Variants in IQCM observed in about 807,000 individuals in gnomAD.
The protein encoded by IQCM is IQ domain-containing protein M.
A neutral mutation model predicts 57.6 loss-of-function variants in IQCM; 45 were observed. The ratio of observed to expected loss-of-function variants is 0.78; its 90% CI spans 0.62 to 1.00. The LOEUF is 1.00. Ranked by LOEUF, IQCM falls within the 50% of genes least tolerant of loss-of-function variation. The probability of loss-of-function intolerance (pLI) is 0.00; values close to 1 mark genes in which losing one functional copy is unlikely to be tolerated. For synonymous variants in IQCM, 148 were observed against 158.9 expected (o/e 0.93, Z 0.51); for missense variants, 468 against 511.6 (o/e 0.91, Z 0.82).
chr4:149,595,749 A>G (rs1001139661), intron 8 of IQCM, among the ~76,000 whole-genome samples: 1 of 152,164 alleles, frequency 6.6e-6, no homozygotes, highest in Non-Finnish European at 1.5e-5. Flanking sequence ...TGAATTTGAG[A>G]GCTTCCAGGA....
At chr4:149,802,355 G>A (rs763524417) in intron 2 of IQCM, among the ~76,000 whole-genome samples, 10 of 151,898 alleles carry the variant, frequency 6.6e-5, no homozygotes, top group Admixed American at 2.6e-4. Context: ...ATTACCTCTC[G>A]TAGTCACTGG....
chr4:149,730,537 C>G (rs528470513), intron 5 of IQCM, among the ~76,000 whole-genome samples: 260 of 152,278 alleles, frequency 1.7e-3, no homozygotes, highest in African/African-American at 5.1e-3. Context: ...CATGTAAAAT[C>G]ATTTTAATTC....
At chr4:149,565,769 A>C (rs1010390486) in intron 9 of IQCM, among the ~76,000 whole-genome samples, 1 of 152,146 alleles carries the variant, frequency 6.6e-6, no homozygotes, top group African/African-American at 2.4e-5. Context: ...TGAGGCTGCT[A>C]GTTCTCTTTG....
chr4:149,416,036 G>T (rs571153091), intron 13 of IQCM, among the ~76,000 whole-genome samples: 1 of 152,166 alleles, frequency 6.6e-6, no homozygotes, highest in East Asian at 1.9e-4. Flanking sequence ...ATGTACCCTA[G>T]AACTTAAAGT....
chr4:149,758,075 T>C (rs1170784534), intron 2 of IQCM, among the ~76,000 whole-genome samples: 2 of 152,010 alleles, frequency 1.3e-5, no homozygotes, highest in East Asian at 3.9e-4. Flanking sequence ...AATAGAAAAA[T>C]AGATAAGTGG....
At chr4:149,472,174 T>G (rs1043276428) in intron 12 of IQCM, among the ~76,000 whole-genome samples, 12 of 152,118 alleles carry the variant, frequency 7.9e-5, no homozygotes, top group African/African-American at 2.7e-4. Context: ...AAAGAGAAAG[T>G]CAAATTGTCC....
At chr4:149,415,449 GTTT>G (rs921141852) in intron 13 of IQCM, among the ~76,000 whole-genome samples, 1 of 152,128 alleles carries the variant, frequency 6.6e-6, no homozygotes, top group Non-Finnish European at 1.5e-5. Flanking sequence ...TGGTAAGTGT[GTTT>G]TATAATTCTT....
At chr4:149,670,995 C>T (rs1432978068) in intron 7 of IQCM, among the ~76,000 whole-genome samples, 5 of 150,724 alleles carry the variant, frequency 3.3e-5, no homozygotes, top group Non-Finnish European at 2.9e-5. Context: ...ATGATGCTGG[C>T]CTCATAAAAT....
At chr4:149,579,536 C>G (rs1239044870) in intron 9 of IQCM, among the ~76,000 whole-genome samples, 1 of 151,846 alleles carries the variant, frequency 6.6e-6, no homozygotes, top group African/African-American at 2.4e-5. Context: ...GTGACTAATG[C>G]CAGTGTTAGA....
chr4:149,667,310 A>G (rs1760820715), intron 7 of IQCM, among the ~76,000 whole-genome samples: 1 of 152,166 alleles, frequency 6.6e-6, no homozygotes, highest in Non-Finnish European at 1.5e-5. Context: ...GACCTCCAGC[A>G]AACTCCAGCA....
chr4:149,734,223 G>T (rs979335980), intron 4 of IQCM, among the ~76,000 whole-genome samples: 3 of 152,060 alleles, frequency 2.0e-5, no homozygotes, highest in Non-Finnish European at 4.4e-5. Flanking sequence ...GACTCAAAAG[G>T]TCAATAAGGA....
At chr4:149,802,275 A>T (rs1773673157) in intron 2 of IQCM, among the ~76,000 whole-genome samples, 1 of 151,892 alleles carries the variant, frequency 6.6e-6, no homozygotes, top group Non-Finnish European at 1.5e-5. Context: ...TAAGCCCCTT[A>T]AAATTATCAG....
chr4:149,380,580 G>C (rs372158459), intron 13 of IQCM, among the ~76,000 whole-genome samples: 1 of 151,976 alleles, frequency 6.6e-6, no homozygotes, highest in Admixed American at 6.6e-5. Context: ...ATTCTCTTTC[G>C]GAAGAAGAGG....
At chr4:149,657,616 T>C (rs1431789783) in intron 7 of IQCM, among the ~76,000 whole-genome samples, 1 of 152,164 alleles carries the variant, frequency 6.6e-6, no homozygotes. Context: ...TAATTTACCA[T>C]CCTACTAGCA....
intron 13 of IQCM, among the ~76,000 whole-genome samples, chr4:149,419,422 G>T (rs1359379645): frequency 6.6e-6 from 1 of 152,070 alleles, no homozygotes; most frequent in East Asian, 1.9e-4. Context: ...GTAGTTCTGG[G>T]AGATCTGGCT....
At chr4:149,614,917 A>G (rs1386499688) in intron 8 of IQCM, among the ~76,000 whole-genome samples, 1 of 152,212 alleles carries the variant, frequency 6.6e-6, no homozygotes, top group Non-Finnish European at 1.5e-5. Flanking sequence ...CCACTGCAAC[A>G]TAGTATGTTA....
intron 7 of IQCM, among the ~76,000 whole-genome samples, chr4:149,673,033 T>C (rs949932193): frequency 5.9e-5 from 9 of 152,112 alleles, no homozygotes; most frequent in Non-Finnish European, 1.2e-4. Context: ...CTAAGCTTCA[T>C]AAGTAAAGGA....
intron 2 of IQCM, among the ~76,000 whole-genome samples, chr4:149,770,556 G>A (rs962852097): frequency 1.3e-5 from 2 of 151,994 alleles, no homozygotes; most frequent in Non-Finnish European, 2.9e-5. Context: ...ATAAAATTTG[G>A]TAATCTGTAA....
At chr4:149,734,113 A>G (rs1177270963) in intron 4 of IQCM, among the ~76,000 whole-genome samples, 3 of 152,116 alleles carry the variant, frequency 2.0e-5, no homozygotes, top group African/African-American at 7.2e-5. Flanking sequence ...TCCAAATAGC[A>G]TAACTGTTCT....
Sources: gnomAD v4.1 joint callset for allele counts (sites outside exome capture counted in the v4.1 genomes callset) on GRCh38, gnomAD v4.1.1 for gene constraint, MANE v1.5 for transcripts, NCBI Gene and HGNC (gene_info 2026-07-23, HGNC 2026-07-21) for gene names.